Variants in CDHR2 observed in about 807,000 individuals in gnomAD.
CDHR2 encodes the protein cadherin-related family member 2.
In CDHR2, 104 loss-of-function variants were observed where a neutral mutation model predicts 138.6. The observed-to-expected ratio is 0.75, with a 90% CI of 0.64 to 0.88. The LOEUF is 0.88. Ranked by LOEUF, CDHR2 falls within the 40% of genes least tolerant of loss-of-function variation. CDHR2 has a pLI of 0.00. For synonymous variants in CDHR2, 755 were observed against 742.8 expected, an observed-to-expected ratio of 1.02 and a Z score of -0.27; for missense variants, 1,624 against 1,727.6, an observed-to-expected ratio of 0.94 and a Z score of 1.06.
intron 1 of CDHR2, among the ~76,000 whole-genome samples, chr5:176,563,956 A>C (rs780525775): frequency 1.3e-5 from 2 of 152,116 alleles, no homozygotes; most frequent in African/African-American, 2.4e-5. Context: ...AATCCCAGCT[A>C]CTCAGGAGTT....
Position 176,578,094 on chromosome 5 carries a change from G to T in CDHR2, c.1573G>T (p.Gly525Trp). Residue 525 changes from glycine to tryptophan, a missense_variant and splice_region_variant, in exon 15 of 32, where the codon GGG (glycine) becomes TGG (tryptophan). Transcript: ENST00000261944. Reference protein sequence around the residue: ...QITYSLLPGNGADLFQVDPVS... With the variant: ...QITYSLLPGNWADLFQVDPVS... The stretch of plus-strand genomic sequence containing the variant: ...TACCTACAGCCTGCTCCCAGGAAAT[G>T]GGTAAGGGCTCAGGGTGGGCCGTAG... The T allele has an allele frequency of 1.2e-6, 2 of 1,612,324 alleles. No individual in the cohort carries two copies. Among genetic ancestry groups the T allele is most frequent in the East Asian group, 2.2e-5 (1 of 44,822 alleles).
Position 176,578,028 on chromosome 5 carries a change from T to G in CDHR2, c.1513-6T>G. The G allele has an allele frequency of 6.2e-7, 1 of 1,609,598 alleles. No individual in the cohort carries two copies. The highest frequency in any genetic ancestry group is 8.5e-7 in the Non-Finnish European group (1 of 1,177,028). On this transcript the variant is annotated splice_polypyrimidine_tract_variant and splice_region_variant and intron_variant, in intron 14 of 31. Transcript: ENST00000261944. The stretch of plus-strand genomic sequence containing the variant: ...CACAGCACCCTGCCATGTCTCTGCC[T>G]CACAGGCCACGGACCCAGACACGGG...
Position 176,581,592 on chromosome 5 carries a change from C to A in CDHR2, c.2058+10C>A. 6.2e-7 allele frequency: 1 copy of A among 1,611,218 alleles called. No individual in the cohort carries two copies. Among genetic ancestry groups the A allele is most frequent in the Non-Finnish European group, 8.5e-7 (1 of 1,179,058 alleles). ...CACCATCACTGTGGAGGTAAGGCCT[C>A]GCTTAGCCAGGATGGGCCTGGGGGC... On this transcript the variant is annotated intron_variant, in intron 17 of 31. Transcript: ENST00000261944.
In CDHR2 at chr5:176,575,706, C is replaced by T. The variant is rs3762970; in HGVS notation, c.845-18C>T. ...ACTGGAGCAGCTGTTCCAGCTGTTC[C>T]GCCTTTCTCCTTGCCAGACTCCACG... is the stretch of plus-strand genomic sequence containing the variant. On this transcript the variant is annotated intron_variant, in intron 10 of 31. Coordinates refer to ENST00000261944, the MANE Select transcript of CDHR2 (RefSeq NM_017675.6). 0.066 allele frequency: 105,623 copies of T among 1,588,654 alleles called. 4,646 individuals carry two copies. Among genetic ancestry groups the T allele is most frequent in the South Asian group, 0.16 (14,217 of 88,702 alleles).
chr5:176,551,795 G>A (rs1011303879), intron 1 of CDHR2, among the ~76,000 whole-genome samples: 20 of 143,796 alleles, frequency 1.4e-4, no homozygotes, highest in African/African-American at 4.9e-4. Flanking sequence ...TCCGCTTCCC[G>A]GGTTCACGCC....
In CDHR2 at chr5:176,543,101, G is replaced by A. The variant is rs998870667; in HGVS notation, c.-16+332G>A. On this transcript the variant is annotated intron_variant, in intron 1 of 31. Transcript: ENST00000510636. This position sits in a 1 kb window ranked among gnomAD's most constrained non-coding sequence, Gnocchi z 4.0. ...GAAGAGCGGCGCAGCTCCCGCTGCCGGGCCCGGGACTGCGAGCTCCCGCCG... is the reference window on the plus strand; with the variant it reads ...GAAGAGCGGCGCAGCTCCCGCTGCCAGGCCCGGGACTGCGAGCTCCCGCCG... Among the ~76,000 whole-genome samples, 2 of 151,660 alleles carry A rather than the reference G, an allele frequency of 1.3e-5. No individual in the cohort carries two copies. The highest frequency in any genetic ancestry group is 2.1e-4 in the South Asian group (1 of 4,828).
chr5:176,589,367 T>C lies in CDHR2; in HGVS notation c.3046T>C (p.Tyr1016His), dbSNP rs1270668319. ...TSLDSTLQGTYQVTVQARDRP... is the reference protein window; with the variant it reads ...TSLDSTLQGTHQVTVQARDRP... ...CCTCGACTCCACTCTCCAAGGCACC[T>C]ACCAAGTGACAGTCCAGGCCAGGGA... Residue 1016 changes from tyrosine (Y) to histidine (H), a missense_variant, in exon 23 of 32, where the codon TAC becomes CAC. Transcript: ENST00000261944. 2 of 1,559,116 alleles carry C rather than the reference T, an allele frequency of 1.3e-6. No individual in the cohort carries two copies. The highest frequency in any genetic ancestry group is 2.5e-5 in the South Asian group (2 of 80,836).
chr5:176,589,626 G>C lies in CDHR2; in HGVS notation c.3206+10G>C. On this transcript the variant is annotated intron_variant, in intron 24 of 31. Transcript: ENST00000261944. ...GACAGGCGATTAATGCGTAGGTCTG[G>C]GGAGCCCCGGAGGGAGGGGTAGGAA... 2 of 1,613,470 alleles carry C rather than the reference G, an allele frequency of 1.2e-6. No individual in the cohort carries two copies. Among genetic ancestry groups the C allele is most frequent in the Non-Finnish European group, 1.7e-6 (2 of 1,179,554 alleles).
At chr5:176,580,170 TCA>T (rs551842923) in intron 16 of CDHR2, among the ~76,000 whole-genome samples, 2 of 148,030 alleles carry the variant, frequency 1.4e-5, no homozygotes, top group South Asian at 2.1e-4. Context: ...ACACACGCAC[TCA>T]CACACACTCA....
intron 2 of CDHR2, 38 bp from the exon 3 acceptor site, chr5:176,565,633 AG>A (rs778627550): frequency 6.3e-7 from 1 of 1,577,928 alleles, no homozygotes; most frequent in African/African-American, 1.3e-5. Context: ...CGGGTTTTGC[AG>A]GGGTGTCCCG....
At chr5:176,552,177 G>A (rs1307242917) in intron 1 of CDHR2, among the ~76,000 whole-genome samples, 9 of 152,198 alleles carry the variant, frequency 5.9e-5, no homozygotes, top group Non-Finnish European at 1.0e-4. Flanking sequence ...CCATTCACTC[G>A]GTTTCCATTT....
intron 16 of CDHR2, 136 bp from the exon 17 acceptor site, chr5:176,581,207 G>A (rs1382851209): frequency 8.7e-7 from 1 of 1,151,540 alleles, no homozygotes; most frequent in South Asian, 1.6e-5. Flanking sequence ...ACTGGGGCTG[G>A]GAGATGGGCC....
intron 7 of CDHR2, 39 bp downstream of exon 7, chr5:176,574,211 C>CA (rs1561873327): frequency 7.0e-7 from 1 of 1,436,214 alleles, no homozygotes; most frequent in Non-Finnish European, 9.8e-7. Context: ...TTGTGACCGC[C>CA]AGGGGGCAGC....
intron 1 of CDHR2, among the ~76,000 whole-genome samples, chr5:176,560,254 A>C (rs1757935166): frequency 6.6e-6 from 1 of 152,112 alleles, no homozygotes; most frequent in South Asian, 2.1e-4. Context: ...AAAATTAGCC[A>C]GGCGTGGTGG....
chr5:176,589,118 C>T lies in CDHR2; in HGVS notation c.2944C>T (p.Pro982Ser). Residue 982 changes from proline to serine, a missense_variant, in exon 22 of 32, where the codon CCT becomes TCT. Coordinates refer to ENST00000261944, the MANE Select transcript of CDHR2 (RefSeq NM_017675.6). ...CATCTCTAAGGACGGGGCCACCATC[C>T]CTTTCCAGGGTGTCTTCTCGATCTT... is the stretch of plus-strand genomic sequence containing the variant. ...DFISKDGATI[P>S]FQGVFSIFTS... 1 of 1,614,134 alleles carries T rather than the reference C, an allele frequency of 6.2e-7. No individual in the cohort carries two copies. The highest frequency in any genetic ancestry group is 8.5e-7 in the Non-Finnish European group (1 of 1,180,014).
rs773916293 is a variant in CDHR2 at position 176,584,506 on chromosome 5, T to C, written c.2225T>C (p.Phe742Ser). Residue 742 changes from phenylalanine to serine, a missense_variant, in exon 19 of 32, where the codon TTC becomes TCC. Coordinates refer to ENST00000261944, the MANE Select transcript of CDHR2 (RefSeq NM_017675.6). ...FSLSGSGANY[F>S]MIRGLVLGAG... ...CTGTCGGGGAGTGGTGCCAACTACTTCATGATCCGAGGCTTGGTGCTGGGG... is the reference window on the plus strand; with the variant it reads ...CTGTCGGGGAGTGGTGCCAACTACTCCATGATCCGAGGCTTGGTGCTGGGG... 3.7e-6 allele frequency: 6 copies of C among 1,613,632 alleles called. No homozygotes were observed. Among genetic ancestry groups the C allele is most frequent in the Non-Finnish European group, 2.5e-6 (3 of 1,179,770 alleles).
At chr5:176,580,178 ACT>A (rs1491075005) in intron 16 of CDHR2, among the ~76,000 whole-genome samples, 18 of 148,090 alleles carry the variant, frequency 1.2e-4, no homozygotes, top group Admixed American at 1.2e-3. Context: ...ACTCACACAC[ACT>A]CACACACGCA....
At chr5:176,579,488 C>A (rs1350134246) in intron 16 of CDHR2, among the ~76,000 whole-genome samples, 5 of 152,154 alleles carry the variant, frequency 3.3e-5, no homozygotes, top group African/African-American at 1.2e-4. Flanking sequence ...CTTGGCACTT[C>A]TCCCCTGGTC....
At chr5:176,545,628 G>A (rs527689938), upstream of CDHR2, among the ~76,000 whole-genome samples, 1 of 152,280 alleles carries the variant, frequency 6.6e-6, no homozygotes, top group African/African-American at 2.4e-5. Flanking sequence ...TCTGCATTAG[G>A]CCCATTTTGG....
Sources: allele counts gnomAD v4.1 joint callset (sites outside exome capture counted in the v4.1 genomes callset), GRCh38; gene constraint gnomAD v4.1.1; non-coding constraint Gnocchi (gnomAD v3.1); transcripts MANE v1.5; gene names NCBI Gene and HGNC (gene_info 2026-07-23, HGNC 2026-07-21).